The following TLN2 variants were observed in gnomAD, a reference collection of about 807,000 sequenced individuals.
The protein encoded by TLN2 is talin-2.
A neutral mutation model predicts 294.7 loss-of-function variants in TLN2; 118 were observed. The observed-to-expected ratio is 0.40, with a 90% CI of 0.34 to 0.47. TLN2 has a LOEUF of 0.47. TLN2 is among the 20% of genes least tolerant of loss of function. The probability of loss-of-function intolerance (pLI) is 0.84; values close to 1 mark genes in which losing one functional copy is unlikely to be tolerated. For synonymous variants in TLN2, 1,431 were observed against 1,304.5 expected (o/e 1.10, Z -2.09); for missense variants, 3,083 against 3,282.2 (o/e 0.94, Z 1.48).
chr15:62,841,787 G>A lies in TLN2; in HGVS notation c.*1177G>A, dbSNP rs896352807. On this transcript the variant is annotated 3_prime_UTR_variant, in exon 59 of 59. Coordinates refer to ENST00000636159, the MANE Select transcript of TLN2 (RefSeq NM_015059.3). ...CCCTCCCATAGGAAGGGAAGGGCTTGAATTTACCCTTAATCTGCACCTTTA... is the reference window on the plus strand; with the variant it reads ...CCCTCCCATAGGAAGGGAAGGGCTTAAATTTACCCTTAATCTGCACCTTTA... 4.9e-4 allele frequency: 75 copies of A among 152,128 alleles called. 1 individual carries two copies. The highest frequency in any genetic ancestry group is 4.8e-3 in the Admixed American group (73 of 15,274). 9.4% of individuals were successfully genotyped at this position (152,128 alleles called of 1,614,324 possible).
chr15:62,699,608 C>G (rs1567391062), intron 16 of TLN2, among the ~76,000 whole-genome samples: 1 of 152,168 alleles, frequency 6.6e-6, no homozygotes, highest in Non-Finnish European at 1.5e-5. Flanking sequence ...GTCCCAGGAC[C>G]AGCAGCATTG....
intron 1 of TLN2, among the ~76,000 whole-genome samples, chr15:62,484,521 G>A (rs2038281460): frequency 6.6e-6 from 1 of 152,056 alleles, no homozygotes; most frequent in East Asian, 1.9e-4. Flanking sequence ...CACCTCCCGG[G>A]TTCAAGCGAT....
intron 1 of TLN2, among the ~76,000 whole-genome samples, chr15:62,450,531 ATGTATGTATGTATGTATGTGTG>A (rs1171923279): frequency 1.8e-5 from 1 of 54,970 alleles, no homozygotes; most frequent in Non-Finnish European, 3.9e-5. Context: ...GTATGTATGT[ATGTATGTATGTATGTATGTGTG>A]TGTGTGTGTG....
At chr15:62,790,198 T>C (rs1678409846) in intron 45 of TLN2, among the ~76,000 whole-genome samples, 1 of 152,228 alleles carries the variant, frequency 6.6e-6, no homozygotes, top group Non-Finnish European at 1.5e-5. Flanking sequence ...TCTGTAAAAC[T>C]TTGATTCACT....
chr15:62,427,110 G>A (rs2034758352), intron 1 of TLN2, among the ~76,000 whole-genome samples: 2 of 152,168 alleles, frequency 1.3e-5, no homozygotes, highest in African/African-American at 2.4e-5. Flanking sequence ...GAGGTTATTG[G>A]CCTGGGTACT....
At chr15:62,678,287 G>A (rs1302540353) in intron 11 of TLN2, among the ~76,000 whole-genome samples, 1 of 151,814 alleles carries the variant, frequency 6.6e-6, no homozygotes, top group Non-Finnish European at 1.5e-5. Context: ...TTTTAAAAGT[G>A]GTATAGCTAA....
chr15:62,689,068 C>CTT (rs796645804), intron 12 of TLN2, among the ~76,000 whole-genome samples: 255 of 116,594 alleles, frequency 2.2e-3, no homozygotes, highest in Middle Eastern at 4.8e-3. Context: ...TTCTCTCTCT[C>CTT]TTTTTTTTTT....
intron 1 of TLN2, among the ~76,000 whole-genome samples, chr15:62,447,612 G>T (rs1222226285): frequency 6.6e-6 from 1 of 151,396 alleles, no homozygotes; most frequent in Non-Finnish European, 1.5e-5. Context: ...TCCTGCCTCA[G>T]CCTCCTGAGT....
At position 62,414,303 on chromosome 15, in the gene TLN2, A is replaced by G. The variant is rs533612456; in HGVS notation, c.-238+23618A>G. ...GAGAGTGAGCCTATGCTTTGATTTC[A>G]GTGGTAGAGCACTGGTGTTCCAAGG... On this transcript the variant is annotated intron_variant, in intron 1 of 58. Coordinates refer to ENST00000636159, the MANE Select transcript of TLN2 (RefSeq NM_015059.3). Among the ~76,000 whole-genome samples, 24 of 136,004 alleles carry G rather than the reference A, an allele frequency of 1.8e-4. 1 individual carries two copies. Among genetic ancestry groups the G allele is most frequent in the African/African-American group, 6.0e-4 (23 of 38,316 alleles). The allele number at this position is 136,004 out of a possible 152,430, so 89.2% of individuals were successfully genotyped here.
chr15:62,772,859 T>A (rs2063437196), intron 42 of TLN2, among the ~76,000 whole-genome samples: 2 of 151,968 alleles, frequency 1.3e-5, no homozygotes, highest in Non-Finnish European at 2.9e-5. Context: ...AGATGGGGTT[T>A]CACCATGTTG....
chr15:62,546,102 C>G (rs2041980579), intron 1 of TLN2, among the ~76,000 whole-genome samples: 1 of 152,174 alleles, frequency 6.6e-6, no homozygotes, highest in South Asian at 2.1e-4. Flanking sequence ...AGCAAGTCCT[C>G]TGCTTTGACA....
chr15:62,633,552 A>C (rs2050111318), intron 3 of TLN2, among the ~76,000 whole-genome samples: 1 of 151,840 alleles, frequency 6.6e-6, no homozygotes, highest in East Asian at 1.9e-4. Flanking sequence ...CAATCCTCCC[A>C]CCCCAGCCTT....
rs1174862669 is a variant in TLN2 at position 62,800,788 on chromosome 15, C to A, written c.6477+19C>A. ...GCTTACGGTAAGGAGCCAGCAGTTA[C>A]CTCCCTTGGGTACCAGAGTCCCACA... On this transcript the variant is annotated intron_variant, in intron 50 of 58. Coordinates refer to ENST00000636159, the MANE Select transcript of TLN2 (RefSeq NM_015059.3). 3 of 1,597,130 alleles carry A rather than the reference C, an allele frequency of 1.9e-6. No homozygotes were observed. The highest frequency in any genetic ancestry group is 2.2e-5 in the East Asian group (1 of 44,592).
At chr15:62,835,667 C>T in intron 55 of TLN2, 70 bp from the exon 56 acceptor site, 1 of 1,571,606 alleles carries the variant, frequency 6.4e-7, no homozygotes, top group South Asian at 1.1e-5. Flanking sequence ...CGAGCAAGGT[C>T]TGGGGATGAG....
rs2141099995 is a variant in TLN2, at chr15:62,702,154, G to A, written c.1859G>A (p.Gly620Glu). 2 of 1,612,360 alleles carry A rather than the reference G, an allele frequency of 1.2e-6. No individual in the cohort carries two copies. Among genetic ancestry groups the A allele is most frequent in the South Asian group, 2.2e-5 (2 of 90,760 alleles). ...CTCAGAGCTGCCAGGACCCTCGCTGGGGCGGTGTCAGACTTGCTGAAAGCT... is the reference window on the plus strand; with the variant it reads ...CTCAGAGCTGCCAGGACCCTCGCTGAGGCGGTGTCAGACTTGCTGAAAGCT... ...DLLRAARTLA[G>E]AVSDLLKAVQ... Residue 620 changes from glycine to glutamate, a missense_variant, in exon 18 of 59, where the codon GGG becomes GAG. Physicochemically the swap from Gly to Glu is moderately conservative, Grantham distance 98 (BLOSUM62 -2). Coordinates refer to ENST00000636159, the MANE Select transcript of TLN2 (RefSeq NM_015059.3).
At chr15:62,762,213 C>T in intron 38 of TLN2, 59 bp from the exon 39 acceptor site, 2 of 1,587,488 alleles carry the variant, frequency 1.3e-6, no homozygotes, top group Non-Finnish European at 1.7e-6. Flanking sequence ...CTTTCAGGGC[C>T]CACGTCATTC....
intron 1 of TLN2, among the ~76,000 whole-genome samples, chr15:62,423,026 G>C (rs940444385): frequency 6.6e-6 from 1 of 152,220 alleles, no homozygotes; most frequent in Non-Finnish European, 1.5e-5. Flanking sequence ...CCTGCAGCTG[G>C]CTTCTCCCAG....
chr15:62,571,872 A>T (rs1473985806), intron 1 of TLN2, among the ~76,000 whole-genome samples: 3 of 152,206 alleles, frequency 2.0e-5, no homozygotes, highest in Non-Finnish European at 4.4e-5. Flanking sequence ...ACATTCCTCA[A>T]TATTAAACAT....
chr15:62,616,702 C>T (rs2048341017), intron 2 of TLN2, among the ~76,000 whole-genome samples: 3 of 152,328 alleles, frequency 2.0e-5, no homozygotes, highest in Admixed American at 6.5e-5. Flanking sequence ...CACTGGGAAC[C>T]TCATGTGGAG....
Sources: gnomAD v4.1 joint callset for allele counts (sites outside exome capture counted in the v4.1 genomes callset) on GRCh38, gnomAD v4.1.1 for gene constraint, MANE v1.5 for transcripts, NCBI Gene and HGNC (gene_info 2026-07-23, HGNC 2026-07-21) for gene names.